Variants in AIFM3 observed in about 807,000 individuals in gnomAD.
AIFM3 encodes apoptosis-inducing factor 3.
AIFM3 carries 71 observed loss-of-function variants against 82.7 expected under a neutral mutation model. That is an observed-to-expected ratio of 0.86 (90% CI 0.71 to 1.05). The LOEUF (loss-of-function observed/expected upper bound fraction) is 1.05. Ranked by LOEUF, AIFM3 falls within the 50% of genes least tolerant of loss-of-function variation. The probability of loss-of-function intolerance (pLI) is 0.00; values close to 1 mark genes in which losing one functional copy is unlikely to be tolerated. For missense variants in AIFM3, 748 were observed against 816.7 expected, an observed-to-expected ratio of 0.92 and a Z score of 1.03; for synonymous variants, 337 against 329.1, an observed-to-expected ratio of 1.02 and a Z score of -0.26.
Position 20,974,540 on chromosome 22 carries a change from C to T in AIFM3, c.526C>T (p.Arg176Ter), listed in dbSNP as rs142117053. 2.5e-5 allele frequency: 40 copies of T among 1,612,678 alleles called. No homozygotes were observed. The highest frequency in any genetic ancestry group is 2.7e-5 in the Non-Finnish European group (32 of 1,179,602). The change falls in exon 7 of 21, where the codon CGA becomes TGA. Residue 176 changes from arginine (R) to a stop codon, truncating the protein, a stop_gained. Transcript: ENST00000440238. LOFTEE classifies it high-confidence loss of function. ...GCACCCACAGGCCCTACAGCTGCAG[C>T]GAAGGACCAAGGTGATGGCCAAGTG... ...RASKQALQLQ[R>*]RTKVMAKCIS...
intron 2 of AIFM3, among the ~76,000 whole-genome samples, chr22:20,972,208 C>T (rs1406713419): frequency 6.6e-6 from 1 of 152,022 alleles, no homozygotes; most frequent in Non-Finnish European, 1.5e-5. Context: ...AGTTCGAGAC[C>T]AGCCTGACCA....
intron 4 of AIFM3, 95 bp downstream of exon 4, chr22:20,973,962 G>C: frequency 6.8e-7 from 1 of 1,471,262 alleles, no homozygotes; most frequent in Non-Finnish European, 9.1e-7. Context: ...TATTAGTGAA[G>C]TCTCCTGGGC....
At position 20,980,639 on chromosome 22, in the gene AIFM3, CAG is replaced by C. The variant is rs1202441413; in HGVS notation, c.1758-107_1758-106del. 12 of 1,477,890 alleles carry C rather than the reference CAG, an allele frequency of 8.1e-6. No homozygotes were observed. In the East Asian group the frequency reaches 2.5e-4, roughly 31 times the overall value. The allele number at this position is 1,477,890 out of a possible 1,614,324, so 91.5% of individuals were successfully genotyped here. On this transcript the variant is annotated intron_variant, in intron 19 of 20. Coordinates refer to ENST00000440238, the MANE Select transcript of AIFM3 (RefSeq NM_001386814.1). ...TGGAGGCCACTGGGAGGCTATGAGACAGGGGCAGGCTTCAGGCTGGAAACAAT... is the reference window on the plus strand; with the variant it reads ...TGGAGGCCACTGGGAGGCTATGAGACGGGCAGGCTTCAGGCTGGAAACAAT...
chr22:20,979,584 T>TC (rs1390939652), intron 17 of AIFM3, 43 bp from the exon 18 acceptor site: 4 of 1,609,718 alleles, frequency 2.5e-6, no homozygotes, highest in African/African-American at 1.3e-5. Context: ...TCTCGTTCCC[T>TC]CCCCCGGCTC....
rs370343946 is a variant in AIFM3, at chr22:20,979,705, G to A, written c.1652+3G>A. 21 of 1,614,106 alleles carry A rather than the reference G, an allele frequency of 1.3e-5. No individual in the cohort carries two copies. In the African/African-American group the frequency reaches 2.8e-4, roughly 22 times the overall value. ...AAGTTTGTGGCTTTTTACACTAAGT[G>A]AGAGCACCGGGGTGCAGCTTGGCGC... is the stretch of plus-strand genomic sequence containing the variant. On this transcript the variant is annotated splice_donor_region_variant and intron_variant, in intron 18 of 20. Coordinates refer to ENST00000440238, the MANE Select transcript of AIFM3 (RefSeq NM_001386814.1).
chr22:20,973,563 A>T, intron 3 of AIFM3, 43 bp downstream of exon 3: 26 of 1,542,684 alleles, frequency 1.7e-5, no homozygotes, highest in Non-Finnish European at 2.2e-5. Context: ...AGGGGTCCCA[A>T]GGTGGGAGGG....
Position 20,979,323 on chromosome 22 carries a change from G to A in AIFM3, c.1530G>A (p.Val510=), listed in dbSNP as rs771361824. The change falls in exon 17 of 21, where the codon GTG becomes GTA. Residue 510 remains valine (V), a synonymous_variant. Coordinates refer to ENST00000440238, the MANE Select transcript of AIFM3 (RefSeq NM_001386814.1). ...MLAQEAEMST[V]PYLWTAMFGK... Reference sequence around the variant, plus strand: ...CGCAGGAGGCGGAGATGAGCACTGTGCCCTACCTCTGGACCGCCATGTTTG... The same window carrying A: ...CGCAGGAGGCGGAGATGAGCACTGTACCCTACCTCTGGACCGCCATGTTTG... The A allele has an allele frequency of 8.3e-6, 13 of 1,560,360 alleles. No individual in the cohort carries two copies. The highest frequency in any genetic ancestry group is 1.1e-5 in the Non-Finnish European group (13 of 1,152,054).
At chr22:20,979,215 T>C (rs1216187582) in intron 16 of AIFM3, 56 bp from the exon 17 acceptor site, 4 of 1,521,140 alleles carry the variant, frequency 2.6e-6, no homozygotes, top group Non-Finnish European at 2.7e-6. Flanking sequence ...CAGGAGCAGG[T>C]AGTGTGGGAG....
rs1214504264 is a variant in AIFM3 at position 20,975,688 on chromosome 22, G to A, written c.721-4G>A. 6.2e-7 allele frequency: 1 copy of A among 1,613,476 alleles called. No individual in the cohort carries two copies. The highest frequency in any genetic ancestry group is 8.5e-7 in the Non-Finnish European group (1 of 1,179,984). On this transcript the variant is annotated splice_polypyrimidine_tract_variant and splice_region_variant and intron_variant, in intron 8 of 20. Coordinates refer to ENST00000440238, the MANE Select transcript of AIFM3 (RefSeq NM_001386814.1). ...GCTCCTCTCAAGCTGGCTCTCCCCT[G>A]CAGTCCCTGGACACACAGCCTGAGC...
chr22:20,968,826 C>T (rs1203586022), intron 2 of AIFM3, among the ~76,000 whole-genome samples: 1 of 152,168 alleles, frequency 6.6e-6, no homozygotes, highest in African/African-American at 2.4e-5. Flanking sequence ...GCCAGCTCAC[C>T]CCAGCCAGCT....
Position 20,968,103 on chromosome 22 carries a change from G to A in AIFM3, c.31+128G>A, listed in dbSNP as rs905604839. On this transcript the variant is annotated intron_variant, in intron 2 of 20. Coordinates refer to ENST00000440238, the MANE Select transcript of AIFM3 (RefSeq NM_001386814.1). ...GGTCAGGCTATCCAAGAACCCGCTCGGAATGTTAATACGCTGCCGCCAGGA... is the reference window on the plus strand; with the variant it reads ...GGTCAGGCTATCCAAGAACCCGCTCAGAATGTTAATACGCTGCCGCCAGGA... 137 of 970,534 alleles carry A rather than the reference G, an allele frequency of 1.4e-4. No individual in the cohort carries two copies. In the Middle Eastern group the frequency reaches 1.4e-3, roughly 10 times the overall value. The allele number at this position is 970,534 out of a possible 1,614,324, so 60.1% of individuals were successfully genotyped here.
intron 2 of AIFM3, 35 bp from the exon 3 acceptor site, chr22:20,973,272 G>A: frequency 6.4e-7 from 1 of 1,550,638 alleles, no homozygotes; most frequent in Non-Finnish European, 8.7e-7. Context: ...GAAGTTGGCT[G>A]AGGTGGGGGG....
At chr22:20,968,134 T>A (rs544487927) in intron 2 of AIFM3, among the ~76,000 whole-genome samples, 159 bp downstream of exon 2, 13 of 150,892 alleles carry the variant, frequency 8.6e-5, no homozygotes, top group Non-Finnish European at 1.6e-4. Flanking sequence ...CAGGAGGGGG[T>A]AGGGGGCCTG....
In AIFM3 at chr22:20,967,951, G is replaced by C. The variant is rs780734241; in HGVS notation, c.7G>C (p.Gly3Arg). Residue 3 changes from glycine (G) to arginine (R), a missense_variant, in exon 2 of 21, where the codon GGC (glycine) becomes CGC (arginine). Gly to Arg is a moderately radical substitution (Grantham distance 125). Coordinates refer to ENST00000440238, the MANE Select transcript of AIFM3 (RefSeq NM_001386814.1). Reference protein sequence around the residue: MGGCFSKPKPVEL... With the variant: MGRCFSKPKPVEL... ...CATCCTCAGGCCACTCGCCATGGGC[G>C]GCTGCTTCTCCAAACCCAAACCAGG... 18 of 1,613,976 alleles carry C rather than the reference G, an allele frequency of 1.1e-5. No individual in the cohort carries two copies. The East Asian group carries it at 3.8e-4, about 34-fold the overall frequency.
intron 2 of AIFM3, 93 bp from the exon 3 acceptor site, chr22:20,973,214 G>T (rs178263): frequency 1.4e-6 from 2 of 1,442,924 alleles, no homozygotes; most frequent in Non-Finnish European, 1.9e-6. Flanking sequence ...TGAGCCTCCT[G>T]GCACCCCGAG....
chr22:20,971,452 G>A (rs979551932), intron 2 of AIFM3, among the ~76,000 whole-genome samples: 1 of 152,196 alleles, frequency 6.6e-6, no homozygotes, highest in Non-Finnish European at 1.5e-5. Context: ...CCTGGCCAGC[G>A]TGGAGGATTT....
intron 2 of AIFM3, among the ~76,000 whole-genome samples, chr22:20,970,762 A>G (rs1460666544): frequency 6.6e-6 from 1 of 151,856 alleles, no homozygotes; most frequent in Non-Finnish European, 1.5e-5. Flanking sequence ...TTCCCGGCCA[A>G]CTGGCAATTT....
intron 2 of AIFM3, among the ~76,000 whole-genome samples, chr22:20,971,736 T>C (rs1923279257): frequency 6.6e-6 from 1 of 152,212 alleles, no homozygotes; most frequent in South Asian, 2.1e-4. Context: ...GCCAGGGGCT[T>C]AGTGTCCATC....
chr22:20,979,990 T>G (rs367584732), intron 18 of AIFM3, 30 bp from the exon 19 acceptor site: 1 of 1,597,946 alleles, frequency 6.3e-7, no homozygotes, highest in Non-Finnish European at 8.5e-7. Flanking sequence ...TGCCTCGCAG[T>G]CCTCAGGCTT....
Sources: gnomAD v4.1 joint callset for allele counts (sites outside exome capture counted in the v4.1 genomes callset) on GRCh38, gnomAD v4.1.1 for gene constraint, MANE v1.5 for transcripts, NCBI Gene and HGNC (gene_info 2026-07-23, HGNC 2026-07-21) for gene names.